RIN3: variants seen among roughly 807,000 people sequenced by gnomAD.
RIN3 encodes the protein RAB5 interacting protein 3.
Under a neutral mutation model 76.3 loss-of-function variants are expected in RIN3, and 54 were observed. The observed-to-expected ratio is 0.71, with a 90% CI of 0.57 to 0.89. RIN3 has a LOEUF of 0.89. Among genes scored for constraint, RIN3 ranks in the 40% least tolerant of loss-of-function variants. RIN3 has a pLI of 0.00. For synonymous variants in RIN3, 576 were observed against 564.0 expected (o/e 1.02, Z -0.30); for missense variants, 1,256 against 1,322.1 (o/e 0.95, Z 0.78).
intron 3 of RIN3, among the ~76,000 whole-genome samples, chr14:92,611,291 C>T (rs952450355): frequency 4.5e-5 from 5 of 111,598 alleles, no homozygotes; most frequent in African/African-American, 1.4e-4. Flanking sequence ...CTCACATGAC[C>T]TTCTTTTTTT....
intron 2 of RIN3, chr14:92,576,378 C>A: frequency 1.6e-6 from 2 of 1,289,790 alleles, no homozygotes; most frequent in Non-Finnish European, 2.0e-6. Context: ...TGGGTGAGAC[C>A]TCGGTTAGTA....
At chr14:92,678,973 T>C (rs1888572825) in intron 8 of RIN3, among the ~76,000 whole-genome samples, 1 of 152,190 alleles carries the variant, frequency 6.6e-6, no homozygotes, top group Non-Finnish European at 1.5e-5. Flanking sequence ...AGCCCTCTCC[T>C]ATGGACTTGC....
chr14:92,688,611 T>G lies in RIN3; in HGVS notation c.*359T>G. The G allele has an allele frequency of 3.5e-6, 1 of 288,542 alleles. No homozygotes were observed. The highest frequency in any genetic ancestry group is 6.5e-6 in the Non-Finnish European group (1 of 153,482). The allele number at this position is 288,542 out of a possible 1,614,324, so 17.9% of individuals were successfully genotyped here. On this transcript the variant is annotated 3_prime_UTR_variant, in exon 10 of 10. Coordinates refer to ENST00000216487, the MANE Select transcript of RIN3 (RefSeq NM_024832.5). Reference sequence around the variant, plus strand: ...TCCCCCACACCCACCCCATCCTCGGTCTTTGCAAAGAAGGGCCCGAGCTTA... The same window carrying G: ...TCCCCCACACCCACCCCATCCTCGGGCTTTGCAAAGAAGGGCCCGAGCTTA...
rs1228069915 is a variant in RIN3 at position 92,561,135 on chromosome 14, T to TTA, written c.249+5188_249+5189dup. ...TATATATATTTATATATATTTATAT[T>TTA]TATATATATTTTTATATATATATTT... is the stretch of plus-strand genomic sequence containing the variant. On this transcript the variant is annotated intron_variant, in intron 2 of 9. Transcript: ENST00000216487. 4.6e-5 allele frequency among the ~76,000 whole-genome samples: 4 copies of TTA among 86,126 alleles called. No individual in the cohort carries two copies. The South Asian group carries it at 1.6e-3, about 35-fold the overall frequency. 56.5% of individuals were successfully genotyped at this position (86,126 alleles called of 152,430 possible).
chr14:92,684,934 C>T, intron 8 of RIN3, 53 bp from the exon 9 acceptor site: 6 of 1,573,306 alleles, frequency 3.8e-6, no homozygotes, highest in Non-Finnish European at 5.2e-6. Flanking sequence ...AGCTCCTTGC[C>T]TCTGGTGGGC....
intron 1 of RIN3, among the ~76,000 whole-genome samples, chr14:92,545,540 CTCTT>C (rs10601933): frequency 0.51 from 73,430 of 143,540 alleles, 18,522 homozygotes; most frequent in Middle Eastern, 0.64. Context: ...CTCGTTTGCA[CTCTT>C]TCTTTCTCCC....
chr14:92,628,016 C>T (rs1428800389), intron 4 of RIN3, among the ~76,000 whole-genome samples: 3 of 152,300 alleles, frequency 2.0e-5, no homozygotes, highest in South Asian at 2.1e-4. Context: ...GGGCTGGGGT[C>T]GGACCACACA....
intron 2 of RIN3, among the ~76,000 whole-genome samples, chr14:92,561,044 A>AAAAAATATATATATAT (rs1555383856): frequency 8.2e-5 from 2 of 24,398 alleles, no homozygotes; most frequent in Non-Finnish European, 1.6e-4. Context: ...AAAAAAAAAA[A>AAAAAATATATATATAT]ATATATATAT....
chr14:92,681,326 A>G lies in RIN3; in HGVS notation c.2468-3661A>G, dbSNP rs12890143. The stretch of plus-strand genomic sequence containing the variant: ...GAGAGAGAGGCCTCACGAAGAAGTC[A>G]GACTCCAGCACCAAGAGTGCAGCAG... On this transcript the variant is annotated intron_variant, in intron 8 of 9. Transcript: ENST00000216487. The surrounding 1 kb of genome is among the most constrained non-coding windows in gnomAD (Gnocchi z 4.7). 0.73 allele frequency among the ~76,000 whole-genome samples: 111,292 copies of G among 152,112 alleles called. 40,843 individuals are homozygous for G. Among genetic ancestry groups the G allele is most frequent in the East Asian group, 0.8 (4,137 of 5,172 alleles).
At chr14:92,545,233 C>A (rs1897233224) in intron 1 of RIN3, among the ~76,000 whole-genome samples, 1 of 150,834 alleles carries the variant, frequency 6.6e-6, no homozygotes, top group Non-Finnish European at 1.5e-5. Flanking sequence ...CCTCAGCCTC[C>A]AAAGTAGGTG....
intron 4 of RIN3, among the ~76,000 whole-genome samples, chr14:92,625,822 A>G (rs1886331911): frequency 6.6e-6 from 1 of 152,196 alleles, no homozygotes; most frequent in African/African-American, 2.4e-5. Context: ...GGTGGATAGC[A>G]TAAGTTTCAT....
intron 1 of RIN3, among the ~76,000 whole-genome samples, chr14:92,517,109 C>T (rs1319646851): frequency 6.6e-6 from 1 of 152,178 alleles, no homozygotes; most frequent in Non-Finnish European, 1.5e-5. Flanking sequence ...GAAGATTCCA[C>T]CTGTCATGGC....
intron 7 of RIN3, among the ~76,000 whole-genome samples, chr14:92,662,968 A>G (rs189981075): frequency 6.6e-6 from 1 of 151,828 alleles, no homozygotes; most frequent in East Asian, 1.9e-4. Context: ...GTGCCACCAC[A>G]CCCAGCTAAT....
At chr14:92,647,336 C>A (rs1887236990) in intron 5 of RIN3, among the ~76,000 whole-genome samples, 2 of 152,124 alleles carry the variant, frequency 1.3e-5, no homozygotes, top group African/African-American at 4.8e-5. Flanking sequence ...TTAGTCAAGG[C>A]CAGAAAACTA....
intron 2 of RIN3, among the ~76,000 whole-genome samples, chr14:92,565,771 G>A (rs763733071): frequency 2.6e-5 from 4 of 152,110 alleles, no homozygotes; most frequent in East Asian, 1.9e-4. Flanking sequence ...GGTTTGGGCC[G>A]GCTTCTTTAC....
intron 3 of RIN3, among the ~76,000 whole-genome samples, chr14:92,610,689 C>T (rs1358754401): frequency 6.6e-6 from 1 of 152,090 alleles, no homozygotes; most frequent in Non-Finnish European, 1.5e-5. Context: ...TCTGGAGCTG[C>T]AGGGATTCTC....
At position 92,537,634 on chromosome 14, in the gene RIN3, CTTTTTTTTTTTTTTT is replaced by C. The variant is rs576683908; in HGVS notation, c.45-18104_45-18090del. On this transcript the variant is annotated intron_variant, in intron 1 of 9. Transcript: ENST00000216487. ...CAGCTATAAGTGAGTGCCTTAGGGACTTTTTTTTTTTTTTTTTTTTTTTTTTTGGAGACAGAGTCT... is the reference window on the plus strand; with the variant it reads ...CAGCTATAAGTGAGTGCCTTAGGGACTTTTTTTTTTTTGGAGACAGAGTCT... 9.7e-5 allele frequency among the ~76,000 whole-genome samples: 5 copies of C among 51,636 alleles called. No individual in the cohort carries two copies. The Admixed American group carries it at 1.2e-3, about 13-fold the overall frequency. 33.9% of individuals were successfully genotyped at this position (51,636 alleles called of 152,430 possible).
At chr14:92,518,192 T>A (rs544826176) in intron 1 of RIN3, among the ~76,000 whole-genome samples, 1 of 152,352 alleles carries the variant, frequency 6.6e-6, no homozygotes, top group African/African-American at 2.4e-5. Flanking sequence ...GCCTAGCAAT[T>A]TGAAAGAAGC....
At chr14:92,633,615 A>G (rs1886666515) in intron 4 of RIN3, among the ~76,000 whole-genome samples, 1 of 152,204 alleles carries the variant, frequency 6.6e-6, no homozygotes, top group Non-Finnish European at 1.5e-5. Flanking sequence ...AAGTCTGCAG[A>G]GTCTAACTCT....
Sources: allele counts gnomAD v4.1 joint callset (sites outside exome capture counted in the v4.1 genomes callset), GRCh38; gene constraint gnomAD v4.1.1; non-coding constraint Gnocchi (gnomAD v3.1); transcripts MANE v1.5; gene names NCBI Gene and HGNC (gene_info 2026-07-23, HGNC 2026-07-21).